PRCP: variants seen among roughly 807,000 people sequenced by gnomAD.
PRCP encodes the protein lysosomal Pro-X carboxypeptidase.
PRCP carries 46 observed loss-of-function variants against 54.2 expected under a neutral mutation model. The observed-to-expected ratio is 0.85, with a 90% confidence interval of 0.67 to 1.09. The LOEUF (loss-of-function observed/expected upper bound fraction) is 1.09, where lower values mean the gene tolerates loss of function less well. PRCP is among the 50% of genes least tolerant of loss of function. The pLI is 0.00. For synonymous variants in PRCP, 240 were observed against 212.2 expected (o/e 1.13, Z -1.14); for missense variants, 613 against 596.8 (o/e 1.03, Z -0.28).
chr11:82,888,399 T>A (rs1048943851), intron 1 of PRCP, among the ~76,000 whole-genome samples: 1 of 152,116 alleles, frequency 6.6e-6, no homozygotes, highest in African/African-American at 2.4e-5. Context: ...AAGTAAGGAT[T>A]TACAAATATA....
intron 1 of PRCP, among the ~76,000 whole-genome samples, chr11:82,878,497 C>T (rs1859660124): frequency 6.6e-6 from 1 of 152,128 alleles, no homozygotes; most frequent in South Asian, 2.1e-4. Context: ...GGGTCGTTCC[C>T]ATGCTATTCT....
At chr11:82,838,724 C>T in intron 7 of PRCP, 150 bp from the exon 8 acceptor site, 1 of 669,520 alleles carries the variant, frequency 1.5e-6, no homozygotes, top group South Asian at 2.6e-5. Context: ...TACTTCTGCG[C>T]CATATAATCT....
chr11:82,839,589 T>C (rs760675919), intron 6 of PRCP, 164 bp from the exon 7 acceptor site: 39 of 717,366 alleles, frequency 5.4e-5, no homozygotes, highest in South Asian at 7.7e-5. Flanking sequence ...CCTCCATAAA[T>C]GAATAAACCT....
At chr11:82,838,595 G>T (rs1301516349) in intron 7 of PRCP, 21 bp from the exon 8 acceptor site, 3 of 1,588,106 alleles carry the variant, frequency 1.9e-6, no homozygotes, top group Non-Finnish European at 2.6e-6. Context: ...AACCAAGAGA[G>T]AATCCAATTA....
At chr11:82,874,576 A>T (rs920015481) in intron 1 of PRCP, among the ~76,000 whole-genome samples, 2 of 151,676 alleles carry the variant, frequency 1.3e-5, no homozygotes, top group Non-Finnish European at 2.9e-5. Context: ...CTGTAGTACC[A>T]GCCACTCAGG....
At chr11:82,835,337 C>G (rs748113827) in intron 8 of PRCP, among the ~76,000 whole-genome samples, 2 of 152,208 alleles carry the variant, frequency 1.3e-5, no homozygotes, top group Non-Finnish European at 2.9e-5. Context: ...GCAAACAGCT[C>G]TCCTCATCCC....
At chr11:82,884,679 A>T in intron 1 of PRCP, 2 of 1,216,592 alleles carry the variant, frequency 1.6e-6, no homozygotes, top group South Asian at 1.3e-5. Context: ...GAAGACCACA[A>T]ATGTTCTGAT....
intron 6 of PRCP, among the ~76,000 whole-genome samples, chr11:82,841,899 C>A (rs1467725885): frequency 1.3e-5 from 2 of 152,224 alleles, no homozygotes; most frequent in African/African-American, 2.4e-5. Context: ...CTATTGCCAA[C>A]AGTTGATCAG....
intron 1 of PRCP, among the ~76,000 whole-genome samples, chr11:82,872,690 A>C (rs1358316730): frequency 1.3e-5 from 2 of 152,142 alleles, no homozygotes; most frequent in Non-Finnish European, 2.9e-5. Flanking sequence ...AGAAGTAACC[A>C]ATCCTGCTGA....
Position 82,824,848 on chromosome 11 carries a change from G to T in PRCP, c.*58C>A. 1 of 1,492,136 alleles carries T rather than the reference G, an allele frequency of 6.7e-7. No homozygotes were observed. Among genetic ancestry groups the T allele is most frequent in the Non-Finnish European group, 9.2e-7 (1 of 1,088,218 alleles). 92.4% of individuals were successfully genotyped at this position (1,492,136 alleles called of 1,614,324 possible). A position where few individuals can be genotyped will look rare whatever the true frequency, so the allele number is the denominator to read the frequency against. On this transcript the variant is annotated 3_prime_UTR_variant, in exon 9 of 9. Coordinates refer to ENST00000313010, the MANE Select transcript of PRCP (RefSeq NM_005040.4). The stretch of plus-strand genomic sequence containing the variant: ...GTAATTACATGTAGAAAATCAAAGT[G>T]AATGGGAATGTGGTGGTGTGAACAT...
intron 1 of PRCP, among the ~76,000 whole-genome samples, chr11:82,879,833 G>A (rs570156524): frequency 1.6e-4 from 24 of 152,298 alleles, no homozygotes; most frequent in Admixed American, 3.3e-4. Context: ...TATCACCAGC[G>A]GAGGCTGCAA....
At chr11:82,869,041 A>G (rs770494856) in intron 1 of PRCP, among the ~76,000 whole-genome samples, 9 of 150,192 alleles carry the variant, frequency 6.0e-5, no homozygotes, top group Non-Finnish European at 1.3e-4. Flanking sequence ...GTCTCAAAAA[A>G]TAAATAAATA....
chr11:82,883,565 T>C (rs1045404077), intron 1 of PRCP, among the ~76,000 whole-genome samples: 2 of 152,232 alleles, frequency 1.3e-5, no homozygotes. Flanking sequence ...TTGCATTGTC[T>C]AAGCCTACAC....
intron 1 of PRCP, among the ~76,000 whole-genome samples, chr11:82,888,022 T>G (rs1368960874): frequency 6.6e-6 from 1 of 152,142 alleles, no homozygotes; most frequent in Non-Finnish European, 1.5e-5. Flanking sequence ...TTCCCCTGAG[T>G]TTTTTGGGTC....
At chr11:82,867,720 T>C (rs1859375328) in intron 1 of PRCP, among the ~76,000 whole-genome samples, 1 of 151,800 alleles carries the variant, frequency 6.6e-6, no homozygotes, top group Non-Finnish European at 1.5e-5. Flanking sequence ...GACCATTACT[T>C]TTTTTTTGTT....
chr11:82,871,426 G>A (rs1209862292), intron 1 of PRCP, among the ~76,000 whole-genome samples: 1 of 151,958 alleles, frequency 6.6e-6, no homozygotes. Flanking sequence ...TGATCCACCC[G>A]CCTTGCCCTC....
At chr11:82,850,260 T>C in intron 4 of PRCP, 64 bp downstream of exon 4, 1 of 1,359,988 alleles carries the variant, frequency 7.4e-7, no homozygotes, top group Non-Finnish European at 9.6e-7. Context: ...TTACCCAAAA[T>C]GAATCTCTAA....
Position 82,824,946 on chromosome 11 carries a change from C to T in PRCP, c.1451G>A (p.Trp484Ter). The change falls in exon 9 of 9, where the codon TGG (tryptophan) becomes TAG (stop). Residue 484 changes from tryptophan (W) to a stop codon, truncating the protein, a stop_gained. Transcript: ENST00000313010. LOFTEE classifies it low-confidence loss of function (END_TRUNC). ...CGCACTGTCATAGAAATCTCTGATCCAATTCTTCATATGTCTAACTTCCAA... is the reference window on the plus strand; with the variant it reads ...CGCACTGTCATAGAAATCTCTGATCTAATTCTTCATATGTCTAACTTCCAA... ...RSLEVRHMKN[W>*]IRDFYDSAGK... 1 of 1,614,014 alleles carries T rather than the reference C, an allele frequency of 6.2e-7. No individual in the cohort carries two copies. The highest frequency in any genetic ancestry group is 8.5e-7 in the Non-Finnish European group (1 of 1,179,960).
At chr11:82,881,468 T>G (rs1323059062) in intron 1 of PRCP, among the ~76,000 whole-genome samples, 1 of 152,136 alleles carries the variant, frequency 6.6e-6, no homozygotes, top group African/African-American at 2.4e-5. Context: ...CAGCCCCCGC[T>G]GGGCTGAGTC....
Sources: gnomAD v4.1 joint callset for allele counts (sites outside exome capture counted in the v4.1 genomes callset) on GRCh38, gnomAD v4.1.1 for gene constraint, MANE v1.5 for transcripts, NCBI Gene and HGNC (gene_info 2026-07-23, HGNC 2026-07-21) for gene names.